CDH4: variants seen among roughly 807,000 people sequenced by gnomAD.
CDH4 encodes the protein cadherin-4.
A neutral mutation model predicts 86.0 loss-of-function variants in CDH4; 33 were observed. That is an observed-to-expected ratio of 0.38 (90% CI 0.29 to 0.51). CDH4 has a LOEUF of 0.51. CDH4 is among the 20% of genes least tolerant of loss of function. The pLI is 0.86. For missense variants in CDH4, 1,114 were observed against 1,307.4 expected, an observed-to-expected ratio of 0.85 and a Z score of 2.28; for synonymous variants, 555 against 549.4, an observed-to-expected ratio of 1.01 and a Z score of -0.14.
chr20:61,298,641 C>T (rs1345905996), intron 2 of CDH4, among the ~76,000 whole-genome samples: 1 of 150,162 alleles, frequency 6.7e-6, no homozygotes, highest in Non-Finnish European at 1.5e-5. Flanking sequence ...CTGAGACACA[C>T]TCTGAGACTT....
Position 61,923,684 on chromosome 20 carries a change from G to A in CDH4, c.1608G>A (p.Arg536=), listed in dbSNP as rs1435893432. The part of the protein sequence containing the change: ...LTTFSAVDPD[R]FMQQAVRYSK... ...CGTTTTCAGCTGTGGACCCTGACCG[G>A]TTCATGCAGCAGGCTGTGAGGTGGG... Residue 536 remains arginine, a synonymous_variant, in exon 10 of 16, where the codon CGG becomes CGA. Transcript: ENST00000614565. The A allele has an allele frequency of 6.2e-7, 1 of 1,613,778 alleles. No individual in the cohort carries two copies. Among genetic ancestry groups the A allele is most frequent in the Admixed American group, 1.7e-5 (1 of 60,034 alleles).
chr20:61,909,369 G>C (rs528103872), intron 8 of CDH4, among the ~76,000 whole-genome samples: 5 of 152,242 alleles, frequency 3.3e-5, no homozygotes, highest in Admixed American at 2.0e-4. Context: ...GTGCTGGAAG[G>C]TTCCGCCCAT....
At chr20:61,827,067 G>A (rs1033819961) in intron 4 of CDH4, among the ~76,000 whole-genome samples, 2 of 151,926 alleles carry the variant, frequency 1.3e-5, no homozygotes, top group Non-Finnish European at 2.9e-5. Context: ...CAAATGTGGG[G>A]AAGGAAGAGG....
At chr20:61,332,380 G>T (rs549457978) in intron 2 of CDH4, among the ~76,000 whole-genome samples, 1 of 152,346 alleles carries the variant, frequency 6.6e-6, no homozygotes, top group Non-Finnish European at 1.5e-5. Flanking sequence ...AGCGTCCCCA[G>T]CCTCAGGGCT....
At chr20:61,841,826 G>A (rs1055188530) in intron 4 of CDH4, among the ~76,000 whole-genome samples, 3 of 152,180 alleles carry the variant, frequency 2.0e-5, no homozygotes, top group Admixed American at 6.5e-5. Context: ...CTCCTAGCAC[G>A]TGAGCAGCCC....
chr20:61,607,217 A>G (rs1329008358), intron 2 of CDH4, among the ~76,000 whole-genome samples: 1 of 152,132 alleles, frequency 6.6e-6, no homozygotes, highest in Non-Finnish European at 1.5e-5. Flanking sequence ...CGCACATATA[A>G]AGGTGGATTT....
At chr20:61,778,930 G>C (rs1036395558) in intron 4 of CDH4, among the ~76,000 whole-genome samples, 1 of 152,218 alleles carries the variant, frequency 6.6e-6, no homozygotes, top group African/African-American at 2.4e-5. Flanking sequence ...TGGGGCTTCA[G>C]GGGAGAGAGG....
chr20:61,374,675 C>T (rs2084857128), intron 2 of CDH4, among the ~76,000 whole-genome samples: 1 of 152,180 alleles, frequency 6.6e-6, no homozygotes, highest in East Asian at 1.9e-4. Context: ...CCTGAAAGAT[C>T]GGTTTGGGCC....
Position 61,783,835 on chromosome 20 carries a change from G to A in CDH4, c.576+10653G>A, listed in dbSNP as rs1232175201. On this transcript the variant is annotated intron_variant, in intron 4 of 15. Coordinates refer to ENST00000614565, the MANE Select transcript of CDH4 (RefSeq NM_001794.5). ...AAGAGAAATGTAATCCCAGTTCCTC[G>A]GGACAGTTCTCAAGGCCCTCAGATG... Among the ~76,000 whole-genome samples the A allele has an allele frequency of 1.2e-4, 8 of 66,242 alleles. 1 individual carries two copies. Among genetic ancestry groups the A allele is most frequent in the African/African-American group, 3.8e-4 (6 of 15,704 alleles). The allele number at this position is 66,242 out of a possible 152,430, so 43.5% of individuals were successfully genotyped here.
chr20:61,358,043 G>A (rs1484762051), intron 2 of CDH4, among the ~76,000 whole-genome samples: 2 of 152,214 alleles, frequency 1.3e-5, no homozygotes, highest in African/African-American at 4.8e-5. Context: ...TGGATGTGCA[G>A]TAGTGCGCTC....
At chr20:61,296,905 C>T (rs926100661) in intron 2 of CDH4, among the ~76,000 whole-genome samples, 1 of 152,096 alleles carries the variant, frequency 6.6e-6, no homozygotes, top group Non-Finnish European at 1.5e-5. Context: ...CGATGGATGC[C>T]TTTAAGTCTC....
intron 2 of CDH4, among the ~76,000 whole-genome samples, chr20:61,581,748 T>G (rs1374763092): frequency 6.6e-6 from 1 of 152,224 alleles, no homozygotes; most frequent in African/African-American, 2.4e-5. Context: ...CTGTCTGAGC[T>G]GTGTTCCTAG....
rs559409842 is a variant in CDH4, at chr20:61,421,681, C to A, written c.169+166744C>A. On this transcript the variant is annotated intron_variant, in intron 2 of 15. Transcript: ENST00000614565. ...AAAAGGAGGAACTGTGCTTCCTTGA[C>A]ATTTATGACACAGGTGGATGTGAGT... Among the ~76,000 whole-genome samples, 7 of 152,296 alleles carry A rather than the reference C, an allele frequency of 4.6e-5. No homozygotes were observed. The South Asian group carries it at 1.5e-3, about 32-fold the overall frequency.
chr20:61,816,297 GTT>G (rs1449849432), intron 4 of CDH4, among the ~76,000 whole-genome samples: 3 of 152,182 alleles, frequency 2.0e-5, no homozygotes, highest in Non-Finnish European at 2.9e-5. Context: ...AGATTAAAGA[GTT>G]TTCTCAAATC....
At chr20:61,391,507 C>T (rs142756144) in intron 2 of CDH4, among the ~76,000 whole-genome samples, 33 of 151,820 alleles carry the variant, frequency 2.2e-4, no homozygotes, top group African/African-American at 8.0e-4. Flanking sequence ...CACCACTCTG[C>T]ACGTGTGGCG....
At chr20:61,865,783 T>G (rs1983520650) in intron 6 of CDH4, among the ~76,000 whole-genome samples, 1 of 149,338 alleles carries the variant, frequency 6.7e-6, no homozygotes, top group African/African-American at 2.5e-5. Context: ...AATGGGTTAG[T>G]TTCCTGAGCT....
At chr20:61,436,756 C>T (rs1412572761) in intron 2 of CDH4, among the ~76,000 whole-genome samples, 1 of 152,190 alleles carries the variant, frequency 6.6e-6, no homozygotes, top group Non-Finnish European at 1.5e-5. Flanking sequence ...AGGCTAGCTC[C>T]AAGTCCCCAA....
chr20:61,689,988 C>T (rs963524759), intron 2 of CDH4, among the ~76,000 whole-genome samples: 14 of 149,586 alleles, frequency 9.4e-5, no homozygotes, highest in South Asian at 4.3e-4. Flanking sequence ...CAGGCTGGGA[C>T]GGTGGCTGGT....
At chr20:61,890,250 T>A (rs1181272580) in intron 7 of CDH4, among the ~76,000 whole-genome samples, 1 of 150,786 alleles carries the variant, frequency 6.6e-6, no homozygotes, top group Non-Finnish European at 1.5e-5. Context: ...ACATGATGGA[T>A]GCATAGATGG....
Sources: allele counts gnomAD v4.1 joint callset (sites outside exome capture counted in the v4.1 genomes callset), GRCh38; gene constraint gnomAD v4.1.1; transcripts MANE v1.5; gene names NCBI Gene and HGNC (gene_info 2026-07-23, HGNC 2026-07-21).